Variants in SLC41A3 observed in about 807,000 individuals in gnomAD.
SLC41A3 encodes the protein SLC41A1-like 2.
A neutral mutation model predicts 45.4 loss-of-function variants in SLC41A3; 44 were observed. That is an observed-to-expected ratio of 0.97 (90% confidence interval 0.76 to 1.25). SLC41A3 has a LOEUF of 1.25. Ranked by LOEUF, SLC41A3 falls within the 50% of genes most tolerant of loss-of-function variation. The pLI is 0.00. For synonymous variants in SLC41A3, 256 were observed against 252.4 expected (o/e 1.01, Z -0.13); for missense variants, 550 against 600.6 (o/e 0.92, Z 0.88).
At chr3:126,092,033 T>C (rs1945496861) in intron 1 of SLC41A3, among the ~76,000 whole-genome samples, 1 of 152,214 alleles carries the variant, frequency 6.6e-6, no homozygotes, top group Admixed American at 6.5e-5. Context: ...AGGGATCCAT[T>C]TGTTACCCAT....
intron 2 of SLC41A3, among the ~76,000 whole-genome samples, chr3:126,054,171 C>T (rs1943515984): frequency 6.6e-6 from 1 of 152,172 alleles, no homozygotes; most frequent in Admixed American, 6.5e-5. Flanking sequence ...CAACTCCTCT[C>T]CTGAGTATAC....
chr3:126,010,014 C>A (rs1041776005), intron 9 of SLC41A3, among the ~76,000 whole-genome samples: 1 of 152,232 alleles, frequency 6.6e-6, no homozygotes, highest in African/African-American at 2.4e-5. Flanking sequence ...GTATATAAAA[C>A]AAACGTAAGC....
At chr3:126,041,725 A>C (rs1262403325) in intron 3 of SLC41A3, among the ~76,000 whole-genome samples, 1 of 152,228 alleles carries the variant, frequency 6.6e-6, no homozygotes, top group African/African-American at 2.4e-5. Context: ...CAAAACAAAA[A>C]TAAATTTAAA....
chr3:126,079,604 A>G (rs1391330410), intron 1 of SLC41A3, among the ~76,000 whole-genome samples: 1 of 152,228 alleles, frequency 6.6e-6, no homozygotes, highest in Non-Finnish European at 1.5e-5. Flanking sequence ...AGCCGATGGA[A>G]AGATACATTA....
intron 1 of SLC41A3, among the ~76,000 whole-genome samples, chr3:126,071,956 G>A (rs1944640277): frequency 1.3e-5 from 2 of 151,624 alleles, no homozygotes; most frequent in Admixed American, 1.3e-4. Flanking sequence ...TTAAAGTTTT[G>A]TAGAGATGGG....
At chr3:126,031,816 C>T (rs936018076) in intron 4 of SLC41A3, among the ~76,000 whole-genome samples, 2 of 152,182 alleles carry the variant, frequency 1.3e-5, no homozygotes, top group Non-Finnish European at 2.9e-5. Flanking sequence ...TTATTACCTG[C>T]CCCTTGCTAG....
chr3:126,038,973 G>A (rs961973414), intron 3 of SLC41A3, among the ~76,000 whole-genome samples: 1 of 152,028 alleles, frequency 6.6e-6, no homozygotes, highest in African/African-American at 2.4e-5. Context: ...TCACATGGGA[G>A]CTGATTAAGA....
At chr3:126,051,424 G>C (rs941351203) in intron 2 of SLC41A3, among the ~76,000 whole-genome samples, 5 of 145,452 alleles carry the variant, frequency 3.4e-5, no homozygotes, top group African/African-American at 1.3e-4. Context: ...AGACGGCCAG[G>C]CTGAGGAAGG....
chr3:126,042,287 T>C (rs191846137), intron 3 of SLC41A3, among the ~76,000 whole-genome samples: 7 of 152,178 alleles, frequency 4.6e-5, no homozygotes, highest in African/African-American at 1.7e-4. Flanking sequence ...TTCTGAGGGA[T>C]ATTAAGACAT....
At position 126,061,285 on chromosome 3, in the gene SLC41A3, G is replaced by A. The variant is rs556898675; in HGVS notation, c.273+6662C>T. Among the ~76,000 whole-genome samples the A allele has an allele frequency of 2.0e-5, 3 of 152,242 alleles. No individual in the cohort carries two copies. In the East Asian group the frequency reaches 5.8e-4, roughly 29 times the overall value. On this transcript the variant is annotated intron_variant, in intron 2 of 10. Coordinates refer to ENST00000360370, the MANE Select transcript of SLC41A3 (RefSeq NM_017836.4). The stretch of plus-strand genomic sequence containing the variant: ...AGGTTCTTCTTTATTTTCTGCTTCT[G>A]ATCTCGACTGGCAGAACCCACCCAC...
intron 1 of SLC41A3, among the ~76,000 whole-genome samples, chr3:126,081,018 T>TC (rs1469500930): frequency 1.3e-5 from 2 of 151,592 alleles, no homozygotes; most frequent in Non-Finnish European, 2.9e-5. Flanking sequence ...TGGGTACATA[T>TC]CCAAAAGAAA....
chr3:126,056,463 C>A, intron 2 of SLC41A3: 1 of 1,614,212 alleles, frequency 6.2e-7, no homozygotes, highest in Non-Finnish European at 8.5e-7. Context: ...CAGGCAAGAC[C>A]CCATGTGGGG....
At chr3:126,008,415 CTG>C (rs1939347370) in intron 10 of SLC41A3, among the ~76,000 whole-genome samples, 1 of 144,528 alleles carries the variant, frequency 6.9e-6, no homozygotes, top group Admixed American at 6.8e-5. Context: ...GTGGGTTGCA[CTG>C]TGTTGTGGAG....
intron 2 of SLC41A3, among the ~76,000 whole-genome samples, chr3:126,051,901 C>T (rs539977575): frequency 6.6e-6 from 1 of 152,244 alleles, no homozygotes; most frequent in East Asian, 1.9e-4. Context: ...CCTGTCCATC[C>T]CCTACAAGGC....
At chr3:126,083,429 A>AT (rs1353599850) in intron 1 of SLC41A3, among the ~76,000 whole-genome samples, 1 of 152,152 alleles carries the variant, frequency 6.6e-6, no homozygotes, top group Non-Finnish European at 1.5e-5. Context: ...AAATAACGGG[A>AT]TTTTAAAGAG....
At chr3:126,048,760 G>C (rs1444257602) in intron 3 of SLC41A3, among the ~76,000 whole-genome samples, 1 of 152,204 alleles carries the variant, frequency 6.6e-6, no homozygotes, top group Non-Finnish European at 1.5e-5. Context: ...GAGTAGGGGA[G>C]TGGGCTGCAA....
At chr3:126,087,488 CT>C (rs1225588929), upstream of SLC41A3, among the ~76,000 whole-genome samples, 8 of 151,748 alleles carry the variant, frequency 5.3e-5, no homozygotes, top group Admixed American at 1.3e-4. Flanking sequence ...TATAGAAAAA[CT>C]TTTTTTTAAA....
intron 2 of SLC41A3, among the ~76,000 whole-genome samples, chr3:126,065,895 T>C (rs1944324016): frequency 6.6e-6 from 1 of 151,874 alleles, no homozygotes; most frequent in African/African-American, 2.4e-5. Flanking sequence ...AGAATATAAA[T>C]AGAAATATCA....
chr3:126,056,558 G>A (rs762371312), intron 2 of SLC41A3: 11 of 1,612,718 alleles, frequency 6.8e-6, no homozygotes, highest in Non-Finnish European at 9.3e-6. Context: ...ACCATGGCCA[G>A]GCAATGCACC....
Sources: gnomAD v4.1 joint callset for allele counts (sites outside exome capture counted in the v4.1 genomes callset) on GRCh38, gnomAD v4.1.1 for gene constraint, MANE v1.5 for transcripts, NCBI Gene and HGNC (gene_info 2026-07-23, HGNC 2026-07-21) for gene names.